Variants in NAALADL2 observed in about 807,000 individuals in gnomAD.
NAALADL2 encodes the protein N-acetylated alpha-linked acidic dipeptidase like 2.
A neutral mutation model predicts 87.2 loss-of-function variants in NAALADL2; 76 were observed. That is an observed-to-expected ratio of 0.87 (90% confidence interval 0.72 to 1.05). The LOEUF (loss-of-function observed/expected upper bound fraction) is 1.05. NAALADL2 is among the 50% of genes least tolerant of loss of function. NAALADL2 has a pLI of 0.00. For synonymous variants in NAALADL2, 354 were observed against 331.0 expected (o/e 1.07, Z -0.75); for missense variants, 1,089 against 945.8 (o/e 1.15, Z -1.99).
chr3:174,932,516 C>A (rs1737058923), intron 1 of NAALADL2, among the ~76,000 whole-genome samples: 1 of 152,058 alleles, frequency 6.6e-6, no homozygotes, highest in Non-Finnish European at 1.5e-5. Context: ...AGATCTCCTG[C>A]AATTTAATGA....
intron 1 of NAALADL2, among the ~76,000 whole-genome samples, chr3:174,549,152 G>A (rs1711784621): frequency 6.6e-6 from 1 of 152,168 alleles, no homozygotes; most frequent in Admixed American, 6.5e-5. Flanking sequence ...GCTAATGCAT[G>A]TTTTAAACTT....
chr3:175,615,277 G>T (rs1725174305), intron 10 of NAALADL2, among the ~76,000 whole-genome samples: 1 of 152,108 alleles, frequency 6.6e-6, no homozygotes, highest in East Asian at 1.9e-4. Context: ...ATGAGTAGAT[G>T]TATTTCATTA....
At chr3:175,236,241 G>T (rs1745833950) in intron 3 of NAALADL2, among the ~76,000 whole-genome samples, 1 of 152,078 alleles carries the variant, frequency 6.6e-6, no homozygotes, top group African/African-American at 2.4e-5. Context: ...AGGAATACTG[G>T]CCGGGCACTG....
intron 7 of NAALADL2, among the ~76,000 whole-genome samples, chr3:175,463,748 T>G (rs1395935904): frequency 8.1e-6 from 1 of 123,402 alleles, no homozygotes; most frequent in Non-Finnish European, 1.6e-5. Context: ...TGGGGATCTC[T>G]CAGGAGGAGA....
intron 4 of NAALADL2, among the ~76,000 whole-genome samples, chr3:175,321,039 A>G (rs1759788331): frequency 6.6e-6 from 1 of 151,650 alleles, no homozygotes; most frequent in Non-Finnish European, 1.5e-5. Context: ...ACCAAAAAAG[A>G]GAATTTTAGA....
At chr3:175,769,742 G>C (rs1749227429) in intron 13 of NAALADL2, among the ~76,000 whole-genome samples, 1 of 143,496 alleles carries the variant, frequency 7.0e-6, no homozygotes, top group African/African-American at 2.7e-5. Flanking sequence ...GTGTGTGTCT[G>C]TGTGTATGTC....
At chr3:175,570,810 G>T (rs1397646445) in intron 9 of NAALADL2, among the ~76,000 whole-genome samples, 1 of 150,278 alleles carries the variant, frequency 6.7e-6, no homozygotes, top group Non-Finnish European at 1.5e-5. Flanking sequence ...AACCCAGGGG[G>T]CAGAGCTTGC....
At chr3:175,555,008 G>T (rs1441809545) in intron 9 of NAALADL2, among the ~76,000 whole-genome samples, 1 of 152,062 alleles carries the variant, frequency 6.6e-6, no homozygotes, top group Non-Finnish European at 1.5e-5. Context: ...AGAGTCTCAG[G>T]GATAGGATAA....
chr3:174,777,786 T>G (rs1448270849), intron 3 of NAALADL2, among the ~76,000 whole-genome samples: 1 of 152,076 alleles, frequency 6.6e-6, no homozygotes, highest in Admixed American at 6.6e-5. Flanking sequence ...CATCTACTGT[T>G]TCTACTGAAC....
intron 1 of NAALADL2, among the ~76,000 whole-genome samples, chr3:174,936,584 T>G (rs1289035114): frequency 1.3e-5 from 2 of 152,140 alleles, no homozygotes; most frequent in Non-Finnish European, 2.9e-5. Context: ...AAATGGAAGA[T>G]AAGCCATTAT....
At chr3:175,453,935 C>T (rs75630796) in intron 6 of NAALADL2, among the ~76,000 whole-genome samples, 1,657 of 152,134 alleles carry the variant, frequency 0.011, 25 homozygotes, top group African/African-American at 0.036. Flanking sequence ...ATATATCATA[C>T]CTTCCGGAAT....
intron 11 of NAALADL2, among the ~76,000 whole-genome samples, chr3:175,720,725 A>T (rs1399315844): frequency 6.6e-6 from 1 of 152,144 alleles, no homozygotes; most frequent in Non-Finnish European, 1.5e-5. Flanking sequence ...ACTAGACTGC[A>T]ACTAAGGACT....
chr3:175,657,398 G>A (rs958061213), intron 11 of NAALADL2, among the ~76,000 whole-genome samples: 3 of 151,750 alleles, frequency 2.0e-5, no homozygotes, highest in African/African-American at 4.8e-5. Context: ...TTTTATTTTC[G>A]TAAAAATCAT....
intron 1 of NAALADL2, among the ~76,000 whole-genome samples, chr3:175,051,019 G>A (rs1370244528): frequency 6.6e-6 from 1 of 152,152 alleles, no homozygotes; most frequent in East Asian, 1.9e-4. Context: ...GCATTAGTGA[G>A]GAAGACAGAT....
chr3:174,482,653 T>C (rs760325377), intron 1 of NAALADL2, among the ~76,000 whole-genome samples: 186 of 152,122 alleles, frequency 1.2e-3, no homozygotes, highest in Non-Finnish European at 7.2e-4. Context: ...ACATGCACTG[T>C]TCATTTCACC....
chr3:174,931,939 CAT>C (rs1441504300), intron 1 of NAALADL2, among the ~76,000 whole-genome samples: 4 of 152,146 alleles, frequency 2.6e-5, no homozygotes, highest in African/African-American at 9.7e-5. Flanking sequence ...TATCTTTTCT[CAT>C]GTGGAAATGA....
chr3:174,771,832 G>T (rs1415444516), intron 3 of NAALADL2, among the ~76,000 whole-genome samples: 1 of 152,144 alleles, frequency 6.6e-6, no homozygotes, highest in Non-Finnish European at 1.5e-5. Context: ...GAAAATTTCA[G>T]ACATTTTTAG....
At chr3:174,656,993 T>C (rs979230304) in intron 2 of NAALADL2, among the ~76,000 whole-genome samples, 16 of 150,950 alleles carry the variant, frequency 1.1e-4, no homozygotes, top group South Asian at 4.2e-4. Context: ...CTCCCTCCCT[T>C]CCTTCCTTTT....
At chr3:175,543,885 A>C (rs1269658787) in intron 9 of NAALADL2, among the ~76,000 whole-genome samples, 1 of 152,206 alleles carries the variant, frequency 6.6e-6, no homozygotes, top group Non-Finnish European at 1.5e-5. Context: ...AAAATGTGGA[A>C]TTTTGATAGA....
Sources: gnomAD v4.1 joint callset for allele counts (sites outside exome capture counted in the v4.1 genomes callset) on GRCh38, gnomAD v4.1.1 for gene constraint, MANE v1.5 for transcripts, NCBI Gene and HGNC (gene_info 2026-07-23, HGNC 2026-07-21) for gene names.